The following CCDC192 variants were observed in gnomAD, a reference collection of about 807,000 sequenced individuals.
CCDC192 encodes coiled-coil domain containing 192.
At chr5:127,711,700 A>G (rs1052861539) in intron 2 of CCDC192, among the ~76,000 whole-genome samples, 1 of 152,198 alleles carries the variant, frequency 6.6e-6, no homozygotes. Context: ...TGTGTTTTAA[A>G]TAAGTGATTT....
At position 127,746,612 on chromosome 5, in the gene CCDC192, C is replaced by CTT. The variant is rs5871272; in HGVS notation, c.115-7643_115-7642dup. Among the ~76,000 whole-genome samples the CTT allele has an allele frequency of 6.8e-3, 983 of 143,654 alleles. 10 individuals are homozygous for CTT. Among genetic ancestry groups the CTT allele is most frequent in the African/African-American group, 0.023 (915 of 39,010 alleles). The allele number at this position is 143,654 out of a possible 152,430, so 94.2% of individuals were successfully genotyped here. ...AATACACAAGAATTTTGTTTAAAGC[C>CTT]TTTTTTTTTTTTTTGAGAATTTTTG... On this transcript the variant is annotated intron_variant, in intron 2 of 6. Transcript: ENST00000514853.
chr5:127,747,531 A>G (rs1233863430), intron 2 of CCDC192, among the ~76,000 whole-genome samples: 1 of 152,014 alleles, frequency 6.6e-6, no homozygotes, highest in Non-Finnish European at 1.5e-5. Flanking sequence ...GTTGGTTCCA[A>G]GTCTTTGCTA....
At chr5:127,852,222 A>T (rs994450462) in intron 5 of CCDC192, among the ~76,000 whole-genome samples, 1 of 152,232 alleles carries the variant, frequency 6.6e-6, no homozygotes, top group African/African-American at 2.4e-5. Flanking sequence ...ATCCTGTTGA[A>T]GGTATATGTA....
chr5:127,796,194 A>G (rs751384426), intron 3 of CCDC192, among the ~76,000 whole-genome samples: 1 of 152,232 alleles, frequency 6.6e-6, no homozygotes, highest in Non-Finnish European at 1.5e-5. Context: ...TTTCCTTGGC[A>G]GACTGACCTC....
chr5:127,834,889 T>C (rs963734707), intron 5 of CCDC192, among the ~76,000 whole-genome samples: 3 of 151,934 alleles, frequency 2.0e-5, no homozygotes, highest in Non-Finnish European at 2.9e-5. Context: ...GGCCAGTGTG[T>C]ATATATATAC....
chr5:127,878,848 T>A (rs1304338181), intron 6 of CCDC192, among the ~76,000 whole-genome samples: 1 of 149,166 alleles, frequency 6.7e-6, no homozygotes, highest in Non-Finnish European at 1.5e-5. Context: ...GCATGGAATG[T>A]TCTTCCATTT....
At chr5:127,835,866 G>A (rs572152663) in intron 5 of CCDC192, among the ~76,000 whole-genome samples, 85 of 152,202 alleles carry the variant, frequency 5.6e-4, no homozygotes, top group Non-Finnish European at 9.6e-4. Context: ...ATGAGATTTC[G>A]GTGGAGAGAC....
At chr5:127,781,723 G>A (rs1334817679) in intron 3 of CCDC192, among the ~76,000 whole-genome samples, 1 of 152,134 alleles carries the variant, frequency 6.6e-6, no homozygotes, top group South Asian at 2.1e-4. Context: ...TTTATCAATT[G>A]TAGGAGCTTT....
intron 6 of CCDC192, among the ~76,000 whole-genome samples, chr5:127,880,166 G>A (rs1054381311): frequency 6.7e-6 from 1 of 150,196 alleles, no homozygotes; most frequent in South Asian, 2.1e-4. Context: ...TGTTTATTGC[G>A]GCATTATTCA....
At chr5:127,775,648 T>C (rs73345043) in intron 3 of CCDC192, among the ~76,000 whole-genome samples, 1 of 152,162 alleles carries the variant, frequency 6.6e-6, no homozygotes, top group African/African-American at 2.4e-5. Flanking sequence ...AAACTGACTT[T>C]TGTGTGTTTA....
At chr5:127,817,771 TA>T (rs1219691807) in intron 5 of CCDC192, among the ~76,000 whole-genome samples, 1 of 152,130 alleles carries the variant, frequency 6.6e-6, no homozygotes, top group Non-Finnish European at 1.5e-5. Flanking sequence ...TATATCTCAA[TA>T]AAAAATAAAA....
chr5:127,909,935 A>G (rs1753300787), intron 6 of CCDC192, among the ~76,000 whole-genome samples: 1 of 152,222 alleles, frequency 6.6e-6, no homozygotes, highest in South Asian at 2.1e-4. Context: ...TACAAGGATC[A>G]AATTTCCGTA....
chr5:127,934,670 A>G (rs1415203980), intron 6 of CCDC192, among the ~76,000 whole-genome samples: 1 of 152,194 alleles, frequency 6.6e-6, no homozygotes, highest in East Asian at 1.9e-4. Context: ...AAATAAGTGA[A>G]TCATTTATTT....
intron 5 of CCDC192, among the ~76,000 whole-genome samples, chr5:127,798,893 A>G (rs958594530): frequency 6.6e-6 from 1 of 152,058 alleles, no homozygotes; most frequent in Admixed American, 6.6e-5. Flanking sequence ...ACACTAGCCT[A>G]TGTTTACTCT....
chr5:127,737,235 C>G (rs1012716876), intron 2 of CCDC192, among the ~76,000 whole-genome samples: 130 of 152,024 alleles, frequency 8.6e-4, no homozygotes, highest in East Asian at 3.3e-3. Context: ...TGTAGTTGAG[C>G]GGTTTTTAGT....
At chr5:127,766,829 T>C (rs1158296032) in intron 3 of CCDC192, among the ~76,000 whole-genome samples, 1 of 152,116 alleles carries the variant, frequency 6.6e-6, no homozygotes. Context: ...ACCCACACAC[T>C]CTCTAAAGAA....
At chr5:127,893,594 T>C (rs998728001) in intron 6 of CCDC192, among the ~76,000 whole-genome samples, 8 of 152,194 alleles carry the variant, frequency 5.3e-5, no homozygotes, top group African/African-American at 1.9e-4. Context: ...TCTGGAAATA[T>C]CAAATGAGCC....
At position 127,875,664 on chromosome 5, in the gene CCDC192, C is replaced by T. The variant is rs1752048037; in HGVS notation, c.535+3C>T. 1 of 398,082 alleles carries T rather than the reference C, an allele frequency of 2.5e-6. No individual in the cohort carries two copies. Among genetic ancestry groups the T allele is most frequent in the South Asian group, 1.3e-4 (1 of 7,780 alleles). The allele number at this position is 398,082 out of a possible 1,614,324, so 24.7% of individuals were successfully genotyped here. On this transcript the variant is annotated splice_donor_region_variant and intron_variant, in intron 6 of 6. Transcript: ENST00000514853. ...TGAAGGAAAGCCAGCCCCTAGAGGT[C>T]AGTATTACCACGTGACAGATCCACA... is the stretch of plus-strand genomic sequence containing the variant.
At chr5:127,920,857 T>C (rs1039126014) in intron 6 of CCDC192, among the ~76,000 whole-genome samples, 64 of 151,536 alleles carry the variant, frequency 4.2e-4, no homozygotes, top group African/African-American at 4.6e-4. Context: ...GCCCAGGAGT[T>C]TGAGATCAGC....
Sources: gnomAD v4.1 joint callset for allele counts (sites outside exome capture counted in the v4.1 genomes callset) on GRCh38, gnomAD v4.1.1 for gene constraint, MANE v1.5 for transcripts, NCBI Gene and HGNC (gene_info 2026-07-23, HGNC 2026-07-21) for gene names.